Variants in PIK3C2G observed in about 807,000 individuals in gnomAD.
PIK3C2G encodes the protein phosphatidylinositol-4-phosphate 3-kinase catalytic subunit type 2 gamma, also known as phosphatidylinositol 3-kinase C2 domain-containing subunit gamma.
A neutral mutation model predicts 181.1 loss-of-function variants in PIK3C2G; 168 were observed. The observed-to-expected ratio is 0.93, with a 90% CI of 0.82 to 1.05. The LOEUF is 1.05. PIK3C2G is among the 50% of genes least tolerant of loss of function. The pLI is 0.00. For missense variants in PIK3C2G, 1,869 were observed against 1,732.8 expected, an observed-to-expected ratio of 1.08 and a Z score of -1.40; for synonymous variants, 573 against 592.2, an observed-to-expected ratio of 0.97 and a Z score of 0.47.
At chr12:18,663,518 G>T in the PIK3C2G span, among the ~76,000 whole-genome samples, 2 of 152,046 alleles carry the variant, frequency 1.3e-5, no homozygotes, top group Non-Finnish European at 2.9e-5. Flanking sequence ...TTGAACTTCT[G>T]TGGATTTTGA....
chr12:18,435,170 T>C (rs1946381936), intron 18 of PIK3C2G, among the ~76,000 whole-genome samples: 4 of 152,178 alleles, frequency 2.6e-5, no homozygotes, highest in Admixed American at 2.0e-4. Context: ...TTACAGCCAT[T>C]ACTAAGATAT....
At chr12:18,472,073 A>C (rs1477044452) in intron 18 of PIK3C2G, among the ~76,000 whole-genome samples, 1 of 152,172 alleles carries the variant, frequency 6.6e-6, no homozygotes, top group African/African-American at 2.4e-5. Context: ...AATTATCCAA[A>C]ATGGAAACTA....
intron 4 of PIK3C2G, among the ~76,000 whole-genome samples, chr12:18,292,210 C>CA (rs745371375): frequency 8.0e-4 from 23 of 28,610 alleles, no homozygotes; most frequent in East Asian, 3.0e-3. Context: ...AACTCCATCT[C>CA]AAAAAAAAAA....
the PIK3C2G span, among the ~76,000 whole-genome samples, chr12:18,655,818 A>C: frequency 1.8e-5 from 1 of 55,186 alleles, no homozygotes; most frequent in African/African-American, 6.6e-5. Flanking sequence ...CTTGACTAGT[A>C]CTCCTGAAAC....
chr12:18,693,596 G>A, the PIK3C2G span: 1 of 1,582,522 alleles, frequency 6.3e-7, no homozygotes, highest in Non-Finnish European at 8.7e-7. Flanking sequence ...GTTTCGAGTT[G>A]CTGAAGAACG....
the PIK3C2G span, among the ~76,000 whole-genome samples, chr12:18,717,183 G>A: frequency 1.3e-5 from 2 of 151,930 alleles, no homozygotes; most frequent in Non-Finnish European, 1.5e-5. Context: ...TAATGTAAAA[G>A]TAATTATATA....
chr12:18,378,938 T>C (rs898883822), intron 13 of PIK3C2G, among the ~76,000 whole-genome samples: 2 of 152,124 alleles, frequency 1.3e-5, no homozygotes, highest in African/African-American at 4.8e-5. Flanking sequence ...GGTTCAACCA[T>C]TGTGGAAGAC....
chr12:18,415,291 T>C (rs1459597622), intron 16 of PIK3C2G, among the ~76,000 whole-genome samples: 1 of 152,224 alleles, frequency 6.6e-6, no homozygotes, highest in Non-Finnish European at 1.5e-5. Context: ...TCTCACAATA[T>C]TTCAAGTATC....
chr12:18,482,317 C>T (rs1447239150), intron 18 of PIK3C2G, among the ~76,000 whole-genome samples: 1 of 151,910 alleles, frequency 6.6e-6, no homozygotes, highest in East Asian at 1.9e-4. Context: ...AAAAGTGACC[C>T]TCATACTTGA....
intron 22 of PIK3C2G, among the ~76,000 whole-genome samples, chr12:18,501,839 C>A (rs1424328866): frequency 6.6e-6 from 1 of 152,072 alleles, no homozygotes; most frequent in Non-Finnish European, 1.5e-5. Flanking sequence ...ATTGCTGCAG[C>A]AAAGTATCCA....
Position 18,488,578 on chromosome 12 carries a change from TC to T in PIK3C2G, c.2635del (p.Leu879TrpfsTer20). 6.4e-7 allele frequency: 1 copy of T among 1,574,582 alleles called. No individual in the cohort carries two copies. The highest frequency in any genetic ancestry group is 8.6e-7 in the Non-Finnish European group (1 of 1,159,936). ...CCAAGGAGCAGAAACTTATCAAAAT[TC>T]TGGGAGATATTGGGGAAAGAGTCAA... Reference protein sequence around the residue: ...FSKEQKLIKILGDIGERVKSA... With the variant: ...FSKEQKLIKIXGDIGERVKSA... On this transcript the variant is annotated frameshift_variant, in exon 19 of 33. Transcript: ENST00000538779. LOFTEE classifies it high-confidence loss of function.
chr12:18,601,760 C>T (rs10841045), intron 30 of PIK3C2G, among the ~76,000 whole-genome samples: 1 of 151,862 alleles, frequency 6.6e-6, no homozygotes, highest in Admixed American at 6.6e-5. Flanking sequence ...CAACAAAAAA[C>T]GTCCAAATAG....
chr12:18,380,295 G>A (rs1489626151), intron 13 of PIK3C2G, among the ~76,000 whole-genome samples: 1 of 152,070 alleles, frequency 6.6e-6, no homozygotes, highest in Admixed American at 6.6e-5. Flanking sequence ...TATCCAATAT[G>A]GCACATCCTC....
chr12:18,451,036 CT>C (rs1207766836), intron 18 of PIK3C2G, among the ~76,000 whole-genome samples: 1 of 152,088 alleles, frequency 6.6e-6, no homozygotes, highest in Non-Finnish European at 1.5e-5. Context: ...GTTCTTTTTG[CT>C]TAGGATTGTC....
intron 2 of PIK3C2G, among the ~76,000 whole-genome samples, chr12:18,286,165 C>T (rs569612603): frequency 1.3e-4 from 20 of 152,026 alleles, no homozygotes; most frequent in Admixed American, 3.9e-4. Context: ...AGTTTTAAAA[C>T]GCATAAGGCA....
chr12:18,508,565 T>C (rs1392342541), intron 24 of PIK3C2G, among the ~76,000 whole-genome samples: 4 of 152,178 alleles, frequency 2.6e-5, no homozygotes, highest in Admixed American at 6.6e-5. Context: ...TATTATGTTA[T>C]GGACCCCCTT....
At chr12:18,255,216 A>AAAATAAATAAATAAATAAAT (rs59041304) in intron 1 of PIK3C2G, among the ~76,000 whole-genome samples, 8 of 131,858 alleles carry the variant, frequency 6.1e-5, no homozygotes, top group South Asian at 2.4e-4. Flanking sequence ...CTCCGTCTCA[A>AAAATAAATAAATAAATAAAT]AAATAAATAA....
At chr12:18,377,790 A>C (rs1942555861) in intron 13 of PIK3C2G, among the ~76,000 whole-genome samples, 1 of 152,160 alleles carries the variant, frequency 6.6e-6, no homozygotes, top group South Asian at 2.1e-4. Flanking sequence ...AGTGGTCCCC[A>C]TTTGCCTGGT....
intron 29 of PIK3C2G, among the ~76,000 whole-genome samples, chr12:18,587,143 G>A (rs564817345): frequency 1.7e-4 from 26 of 152,158 alleles, no homozygotes; most frequent in Admixed American, 6.5e-4. Context: ...TTGAAAATCC[G>A]CACAAGTTAA....
Sources: gnomAD v4.1 joint callset for allele counts (sites outside exome capture counted in the v4.1 genomes callset) on GRCh38, gnomAD v4.1.1 for gene constraint, MANE v1.5 for transcripts, NCBI Gene and HGNC (gene_info 2026-07-23, HGNC 2026-07-21) for gene names.